SRGAP1: variants seen among roughly 807,000 people sequenced by gnomAD.
SRGAP1 encodes the protein SLIT-ROBO Rho GTPase activating protein 1.
A neutral mutation model predicts 121.9 loss-of-function variants in SRGAP1; 43 were observed. That is an observed-to-expected ratio of 0.35 (90% CI 0.28 to 0.46). SRGAP1 has a LOEUF of 0.46. Among genes scored for constraint, SRGAP1 ranks in the 20% least tolerant of loss-of-function variants. The pLI is 1.00. For synonymous variants in SRGAP1, 447 were observed against 485.4 expected (o/e 0.92, Z 1.04); for missense variants, 1,102 against 1,350.9 (o/e 0.82, Z 2.89).
chr12:63,931,099 G>A (rs1323164237), intron 1 of SRGAP1, among the ~76,000 whole-genome samples: 2 of 152,118 alleles, frequency 1.3e-5, no homozygotes, highest in African/African-American at 4.8e-5. Flanking sequence ...GTTAAAATGT[G>A]TTTCTTCATC....
At chr12:63,848,258 T>G (rs1337338641) in intron 1 of SRGAP1, among the ~76,000 whole-genome samples, 2 of 152,084 alleles carry the variant, frequency 1.3e-5, no homozygotes, top group Non-Finnish European at 2.9e-5. Flanking sequence ...CACCTGCCTC[T>G]GCCTCCACCT....
At chr12:63,921,619 C>T (rs1391441699) in intron 1 of SRGAP1, among the ~76,000 whole-genome samples, 3 of 152,192 alleles carry the variant, frequency 2.0e-5, no homozygotes, top group Non-Finnish European at 4.4e-5. Context: ...AACGTGTACA[C>T]GTACATATGC....
At chr12:63,900,708 G>A (rs541284575) in intron 1 of SRGAP1, among the ~76,000 whole-genome samples, 1 of 152,154 alleles carries the variant, frequency 6.6e-6, no homozygotes, top group East Asian at 2.0e-4. Context: ...CAGCTACTTG[G>A]GAGTCTGAGG....
chr12:63,912,547 G>A (rs112054997), intron 1 of SRGAP1, among the ~76,000 whole-genome samples: 11,629 of 152,076 alleles, frequency 0.076, 483 homozygotes, highest in East Asian at 0.13. Context: ...CCAGAAGTTT[G>A]AGGCTGCAGT....
intron 6 of SRGAP1, among the ~76,000 whole-genome samples, chr12:64,060,920 C>T (rs1203575258): frequency 6.6e-6 from 1 of 152,184 alleles, no homozygotes; most frequent in South Asian, 2.1e-4. Flanking sequence ...TTCCCTGGCA[C>T]TTAATCCATG....
At chr12:63,956,998 T>C (rs748949663) in intron 1 of SRGAP1, among the ~76,000 whole-genome samples, 1 of 152,220 alleles carries the variant, frequency 6.6e-6, no homozygotes, top group Non-Finnish European at 1.5e-5. Context: ...TCCTCATTCA[T>C]TTAGCATAAT....
At chr12:63,948,664 C>G (rs913292599) in intron 1 of SRGAP1, among the ~76,000 whole-genome samples, 1 of 151,410 alleles carries the variant, frequency 6.6e-6, no homozygotes, top group Non-Finnish European at 1.5e-5. Flanking sequence ...ATTCATAGTT[C>G]CTTCCTGGTA....
chr12:63,973,637 T>C (rs1409588236), intron 1 of SRGAP1, among the ~76,000 whole-genome samples: 1 of 152,224 alleles, frequency 6.6e-6, no homozygotes, highest in Middle Eastern at 3.2e-3. Flanking sequence ...CTAGTAGACA[T>C]TTTAAAATTG....
chr12:64,148,833 A>G lies in SRGAP1; in HGVS notation c.*6161A>G, dbSNP rs1039210698. On this transcript the variant is annotated 3_prime_UTR_variant, in exon 22 of 22. Coordinates refer to ENST00000355086, the MANE Select transcript of SRGAP1 (RefSeq NM_020762.4). ...ATGTATCCACCACCCAGTTTAAGCAATAGCACATTATCAGCATCCCAGAAG... is the reference window on the plus strand; with the variant it reads ...ATGTATCCACCACCCAGTTTAAGCAGTAGCACATTATCAGCATCCCAGAAG... The G allele has an allele frequency of 1.2e-4, 18 of 152,238 alleles. No individual in the cohort carries two copies. The highest frequency in any genetic ancestry group is 4.1e-4 in the African/African-American group (17 of 41,462). The allele number at this position is 152,238 out of a possible 1,614,324, so 9.4% of individuals were successfully genotyped here.
intron 1 of SRGAP1, among the ~76,000 whole-genome samples, chr12:63,898,535 A>G (rs1035282924): frequency 6.6e-6 from 1 of 152,224 alleles, no homozygotes; most frequent in African/African-American, 2.4e-5. Context: ...ATTAAAATTT[A>G]AATCATTCCA....
chr12:64,108,044 TAA>T (rs2036373761), intron 15 of SRGAP1, among the ~76,000 whole-genome samples: 1 of 152,232 alleles, frequency 6.6e-6, no homozygotes, highest in African/African-American at 2.4e-5. Flanking sequence ...CTCATTTTCC[TAA>T]TCTGATAAAT....
intron 1 of SRGAP1, among the ~76,000 whole-genome samples, chr12:63,952,940 C>A (rs1219388584): frequency 6.6e-6 from 1 of 152,084 alleles, no homozygotes; most frequent in Admixed American, 6.5e-5. Flanking sequence ...GTCACTGTAC[C>A]GGGCCAGGTG....
intron 19 of SRGAP1, among the ~76,000 whole-genome samples, chr12:64,126,914 A>G (rs368137253): frequency 2.6e-5 from 4 of 152,378 alleles, no homozygotes; most frequent in African/African-American, 7.2e-5. Flanking sequence ...TTGAGCATCA[A>G]TGGACCACAT....
intron 1 of SRGAP1, among the ~76,000 whole-genome samples, chr12:63,919,828 G>T (rs1489875985): frequency 6.6e-6 from 1 of 152,126 alleles, no homozygotes; most frequent in Non-Finnish European, 1.5e-5. Context: ...GTTGCATGTA[G>T]CTGTAGTTCA....
At chr12:64,121,775 A>G (rs373046057) in intron 18 of SRGAP1, among the ~76,000 whole-genome samples, 1 of 152,188 alleles carries the variant, frequency 6.6e-6, no homozygotes, top group Admixed American at 6.5e-5. Flanking sequence ...CCTCTTGACT[A>G]TAAGAGAGCT....
At chr12:63,877,936 A>G (rs1222274438) in intron 1 of SRGAP1, among the ~76,000 whole-genome samples, 2 of 152,246 alleles carry the variant, frequency 1.3e-5, no homozygotes, top group African/African-American at 2.4e-5. Flanking sequence ...CTGCTGTTAC[A>G]TAGTTGATGA....
At chr12:64,111,245 C>G (rs569376321) in intron 16 of SRGAP1, among the ~76,000 whole-genome samples, 2 of 152,236 alleles carry the variant, frequency 1.3e-5, no homozygotes, top group African/African-American at 4.8e-5. Context: ...ATGTCTTACC[C>G]AAAAGCAGAT....
chr12:64,000,239 GGTGTGTGTGTGT>G (rs58289093), intron 3 of SRGAP1, among the ~76,000 whole-genome samples: 14 of 131,526 alleles, frequency 1.1e-4, no homozygotes, highest in African/African-American at 2.3e-4. Context: ...GAAAGGTAGG[GGTGTGTGTGTGT>G]GTGTGTGTGT....
At chr12:64,101,307 G>A (rs148739651) in intron 15 of SRGAP1, among the ~76,000 whole-genome samples, 1 of 141,732 alleles carries the variant, frequency 7.1e-6, no homozygotes, top group Non-Finnish European at 1.5e-5. Flanking sequence ...TTGGGGAAAG[G>A]GGTGTGTGTG....
Sources: gnomAD v4.1 joint callset for allele counts (sites outside exome capture counted in the v4.1 genomes callset) on GRCh38, gnomAD v4.1.1 for gene constraint, MANE v1.5 for transcripts, NCBI Gene and HGNC (gene_info 2026-07-23, HGNC 2026-07-21) for gene names.